SMARCD3: variants seen among roughly 807,000 people sequenced by gnomAD.
SMARCD3 encodes the protein SWI/SNF-related matrix-associated actin-dependent regulator of chromatin subfamily D member 3.
A neutral mutation model predicts 58.0 loss-of-function variants in SMARCD3; 14 were observed. That is an observed-to-expected ratio of 0.24 (90% CI 0.16 to 0.38). The LOEUF is 0.38. Ranked by LOEUF, SMARCD3 falls within the 10% of genes least tolerant of loss-of-function variation. SMARCD3 has a pLI of 1.00. For synonymous variants in SMARCD3, 253 were observed against 253.8 expected (o/e 1.00, Z 0.03); for missense variants, 408 against 636.9 (o/e 0.64, Z 3.87).
intron 1 of SMARCD3, among the ~76,000 whole-genome samples, chr7:151,276,388 G>T (rs527903678): frequency 6.8e-6 from 1 of 146,508 alleles, no homozygotes; most frequent in Admixed American, 6.8e-5. Context: ...TGCTCGGCAG[G>T]GGGGAGGTGA....
chr7:151,266,851 A>G (rs552089476), intron 2 of SMARCD3, among the ~76,000 whole-genome samples: 1 of 152,314 alleles, frequency 6.6e-6, no homozygotes, highest in East Asian at 1.9e-4. Context: ...AGCTGAGACT[A>G]TAGGTGCATG....
chr7:151,268,623 C>T (rs913746498), intron 2 of SMARCD3, among the ~76,000 whole-genome samples: 1 of 152,140 alleles, frequency 6.6e-6, no homozygotes, highest in Admixed American at 6.6e-5. Flanking sequence ...GGTGGAGAGA[C>T]CCCAGTTGGG....
chr7:151,245,972 T>G lies in SMARCD3; in HGVS notation c.79-301A>C. On this transcript the variant is annotated intron_variant, in intron 1 of 12. Coordinates refer to ENST00000262188, the MANE Select transcript of SMARCD3 (RefSeq NM_001003801.2). This position sits in a 1 kb window ranked among gnomAD's most constrained non-coding sequence, Gnocchi z 6.2. ...GCAAAAATGAATATTAATGGCGCCT[T>G]TCAACCTTTCAAAGATGTTCACATC... 1.6e-5 allele frequency: 4 copies of G among 254,362 alleles called. No individual in the cohort carries two copies. The highest frequency in any genetic ancestry group is 5.5e-5 in the Admixed American group (1 of 18,166). 15.8% of individuals were successfully genotyped at this position (254,362 alleles called of 1,614,324 possible). A position where few individuals can be genotyped will look rare whatever the true frequency, so the allele number is the denominator to read the frequency against.
intron 2 of SMARCD3, among the ~76,000 whole-genome samples, chr7:151,256,806 C>T (rs1399759079): frequency 6.6e-6 from 1 of 152,130 alleles, no homozygotes; most frequent in Non-Finnish European, 1.5e-5. Context: ...ACTTCCAGAG[C>T]CTCCCACCAC....
chr7:151,268,533 C>A (rs963657340), intron 2 of SMARCD3, among the ~76,000 whole-genome samples: 3 of 152,062 alleles, frequency 2.0e-5, no homozygotes, highest in Admixed American at 6.5e-5. Flanking sequence ...TGGGTTGAGA[C>A]CCTGAATAAA....
intron 1 of SMARCD3, among the ~76,000 whole-genome samples, chr7:151,247,263 C>T (rs1241530942): frequency 6.6e-6 from 1 of 152,214 alleles, no homozygotes; most frequent in Non-Finnish European, 1.5e-5. Context: ...TACAGCCTCT[C>T]CCCACTAGAT....
rs1488157272 is a variant in SMARCD3 at position 151,239,114 on chromosome 7, G to A, written c.1441C>T (p.Arg481Cys). 1.7e-5 allele frequency: 27 copies of A among 1,613,976 alleles called. No individual in the cohort carries two copies. The highest frequency in any genetic ancestry group is 6.6e-5 in the South Asian group (6 of 91,090). Residue 481 changes from arginine (R) to cysteine (C), a missense_variant, in exon 13 of 13, where the codon CGC (arginine) becomes TGC (cysteine). Arg to Cys is a radical substitution (Grantham distance 180). This residue lies in a region of SMARCD3 where 81 missense variants were observed against 109.7 expected (regional missense o/e 0.74). Transcript: ENST00000262188. This position sits in a 1 kb window ranked among gnomAD's most constrained non-coding sequence, Gnocchi z 7.0. The part of the protein sequence containing the change: ...RQELEQSLVV[R>C]NT ...TTATTTTTGGGCTCCTAGGTGTTGC[G>A]CACAACCAGCGACTGCTCCAGCTCC...
intron 2 of SMARCD3, among the ~76,000 whole-genome samples, chr7:151,266,270 A>AT (rs112962125): frequency 5.9e-4 from 86 of 145,816 alleles, no homozygotes; most frequent in African/African-American, 1.7e-3. Context: ...GCACCCGGCC[A>AT]TTTTTTTTTT....
At position 151,239,322 on chromosome 7, in the gene SMARCD3, G is replaced by T; in HGVS notation, c.1398+74C>A. ...TTTACTGTGGGGAGCTGCGAGGGCT[G>T]CCCACAAGCTGAACAGGGAGGTTTC... On this transcript the variant is annotated intron_variant, in intron 12 of 12. Coordinates refer to ENST00000262188, the MANE Select transcript of SMARCD3 (RefSeq NM_001003801.2). The surrounding 1 kb of genome is among the most constrained non-coding windows in gnomAD (Gnocchi z 7.0). The T allele has an allele frequency of 7.3e-7, 1 of 1,376,200 alleles. No individual in the cohort carries two copies. Among genetic ancestry groups the T allele is most frequent in the Non-Finnish European group, 1.0e-6 (1 of 965,650 alleles). 85.2% of individuals were successfully genotyped at this position (1,376,200 alleles called of 1,614,324 possible). A position where few individuals can be genotyped will look rare whatever the true frequency, so the allele number is the denominator to read the frequency against.
intron 2 of SMARCD3, among the ~76,000 whole-genome samples, chr7:151,266,306 C>G (rs1804077639): frequency 6.6e-6 from 1 of 151,968 alleles, no homozygotes; most frequent in African/African-American, 2.4e-5. Context: ...ACATGTCTCC[C>G]TATCCCCTAC....
chr7:151,243,708 A>AT lies in SMARCD3; in HGVS notation c.291-8dup. 6.2e-7 allele frequency: 1 copy of AT among 1,608,442 alleles called. No individual in the cohort carries two copies. The highest frequency in any genetic ancestry group is 2.2e-5 in the East Asian group (1 of 44,818). ...CATCTTCCTCCTCTTGGCACTGTAC[A>AT]TTTTTTAAAGAAAAAACCAGGTTAC... On this transcript the variant is annotated splice_polypyrimidine_tract_variant and splice_region_variant and intron_variant, in intron 2 of 12. Coordinates refer to ENST00000262188, the MANE Select transcript of SMARCD3 (RefSeq NM_001003801.2). This position sits in a 1 kb window ranked among gnomAD's most constrained non-coding sequence, Gnocchi z 4.4.
chr7:151,248,795 CTGA>C (rs1463731705), upstream of SMARCD3: 4 of 634,202 alleles, frequency 6.3e-6, no homozygotes, highest in Non-Finnish European at 8.1e-6. This position sits in a 1 kb window ranked among gnomAD's most constrained non-coding sequence, Gnocchi z 6.1. Flanking sequence ...CATTCCTGCA[CTGA>C]TAAGACAGAA....
upstream of SMARCD3, among the ~76,000 whole-genome samples, chr7:151,250,164 C>T (rs1803467789): frequency 6.6e-6 from 1 of 152,064 alleles, no homozygotes; most frequent in Non-Finnish European, 1.5e-5. Flanking sequence ...TTCTGCTGGC[C>T]CTGGTTGTGC....
At chr7:151,269,978 T>A (rs1161854934) in intron 2 of SMARCD3, among the ~76,000 whole-genome samples, 1 of 152,134 alleles carries the variant, frequency 6.6e-6, no homozygotes, top group Non-Finnish European at 1.5e-5. Flanking sequence ...CCTTGGGGGA[T>A]CTTCAGCGCT....
chr7:151,275,293 A>G (rs1408544309), intron 1 of SMARCD3: 5 of 743,390 alleles, frequency 6.7e-6, no homozygotes, highest in Admixed American at 4.4e-5. Context: ...CGTAGATTCA[A>G]GGAGGCCTCG....
Position 151,242,229 on chromosome 7 carries a change from T to C in SMARCD3, c.583A>G (p.Ser195Gly). ...GAAGAGAACTTCCGCTTCTGTTTGC[T>C]GGGCTGTGGGAGAGCAACAGGGACC... ...RVEGKLLDDPSKQKRKFSSFF... is the reference protein window; with the variant it reads ...RVEGKLLDDPGKQKRKFSSFF... Residue 195 changes from serine (S) to glycine (G), a missense_variant, in exon 6 of 13, where the codon AGC (serine) becomes GGC (glycine). Coordinates refer to ENST00000262188, the MANE Select transcript of SMARCD3 (RefSeq NM_001003801.2). This position sits in a 1 kb window ranked among gnomAD's most constrained non-coding sequence, Gnocchi z 4.7. The C allele has an allele frequency of 6.2e-7, 1 of 1,613,586 alleles. No individual in the cohort carries two copies. The highest frequency in any genetic ancestry group is 1.1e-5 in the South Asian group (1 of 91,084).
chr7:151,266,284 A>G (rs538929532), intron 2 of SMARCD3, among the ~76,000 whole-genome samples: 8 of 149,596 alleles, frequency 5.3e-5, no homozygotes, highest in African/African-American at 2.0e-4. Context: ...TTTTTTTTCT[A>G]CTCTACGCAA....
chr7:151,239,063 C>CA lies in SMARCD3; in HGVS notation c.*39dup. The CA allele has an allele frequency of 6.2e-7, 1 of 1,606,272 alleles. No homozygotes were observed. The highest frequency in any genetic ancestry group is 8.5e-7 in the Non-Finnish European group (1 of 1,172,910). On this transcript the variant is annotated 3_prime_UTR_variant, in exon 13 of 13. Transcript: ENST00000262188. This position sits in a 1 kb window ranked among gnomAD's most constrained non-coding sequence, Gnocchi z 7.0. ...CGGGGCAAAATGCTGGGGCCCGGGA[C>CA]ACGGCTGAAAGTTCCGTCGTGCTGC...
At position 151,243,472 on chromosome 7, in the gene SMARCD3, G is replaced by T. The variant is rs13237254; in HGVS notation, c.333+187C>A. Among the ~76,000 whole-genome samples, 2 of 152,264 alleles carry T rather than the reference G, an allele frequency of 1.3e-5. No individual in the cohort carries two copies. Among genetic ancestry groups the T allele is most frequent in the African/African-American group, 4.8e-5 (2 of 41,540 alleles). On this transcript the variant is annotated intron_variant, in intron 3 of 12. Transcript: ENST00000262188. The surrounding 1 kb of genome is among the most constrained non-coding windows in gnomAD (Gnocchi z 4.4). Reference sequence around the variant, plus strand: ...GACAGGCCCCTGTGTTCTGGCCCCAGTGGCTCTGCTGCTTCCCTCCACCTC... The same window carrying T: ...GACAGGCCCCTGTGTTCTGGCCCCATTGGCTCTGCTGCTTCCCTCCACCTC...
Sources: gnomAD v4.1 joint callset for allele counts (sites outside exome capture counted in the v4.1 genomes callset) on GRCh38, gnomAD v4.1.1 for gene constraint, gnomAD v4.1.1 regional missense constraint, Gnocchi (gnomAD v3.1) non-coding constraint, MANE v1.5 for transcripts, NCBI Gene and HGNC (gene_info 2026-07-23, HGNC 2026-07-21) for gene names.